Variants in FSTL4 observed in about 807,000 individuals in gnomAD.
The protein encoded by FSTL4 is follistatin-related protein 4.
FSTL4 carries 28 observed loss-of-function variants against 78.2 expected under a neutral mutation model. The observed-to-expected ratio is 0.36, with a 90% CI of 0.27 to 0.49. The LOEUF is 0.49. FSTL4 is among the 20% of genes least tolerant of loss of function. The pLI, the probability that FSTL4 is intolerant of heterozygous loss-of-function variation, is 0.98. For missense variants in FSTL4, 922 were observed against 1,084.9 expected (o/e 0.85, Z 2.11); for synonymous variants, 422 against 440.5 (o/e 0.96, Z 0.53).
rs187951750 is a variant in FSTL4, at chr5:133,463,536, G to A, written c.161-62550C>T. Among the ~76,000 whole-genome samples, 417 of 152,280 alleles carry A rather than the reference G, an allele frequency of 2.7e-3. 1 individual carries two copies. Among genetic ancestry groups the A allele is most frequent in the African/African-American group, 9.7e-3 (405 of 41,544 alleles). On this transcript the variant is annotated intron_variant, in intron 3 of 15. Coordinates refer to ENST00000265342, the MANE Select transcript of FSTL4 (RefSeq NM_015082.2). ...TTTTCCCCTTGTACCTGTGCTTTGT[G>A]TTTCTTCTCTGGGGTGCAAACCCAG...
intron 6 of FSTL4, among the ~76,000 whole-genome samples, chr5:133,306,932 G>A (rs952460279): frequency 3.9e-5 from 6 of 152,142 alleles, no homozygotes; most frequent in African/African-American, 1.4e-4. Flanking sequence ...CCTCACCGCC[G>A]CCATCATTGA....
At chr5:133,348,730 G>A (rs1175638731) in intron 4 of FSTL4, among the ~76,000 whole-genome samples, 1 of 152,152 alleles carries the variant, frequency 6.6e-6, no homozygotes, top group Non-Finnish European at 1.5e-5. Flanking sequence ...CCTTGTGGAG[G>A]GACTGTTGGC....
chr5:133,701,648 T>G, the FSTL4 span, among the ~76,000 whole-genome samples: 1 of 152,154 alleles, frequency 6.6e-6, no homozygotes. Flanking sequence ...ACACACCTTC[T>G]GATTGGTACC....
chr5:133,725,430 A>G, the FSTL4 span, among the ~76,000 whole-genome samples: 1 of 152,326 alleles, frequency 6.6e-6, no homozygotes, highest in East Asian at 1.9e-4. Context: ...CTACACAGAG[A>G]TGTGTTCTCC....
chr5:133,564,753 T>A (rs772399304), intron 3 of FSTL4, among the ~76,000 whole-genome samples: 3 of 152,134 alleles, frequency 2.0e-5, no homozygotes, highest in Non-Finnish European at 4.4e-5. Context: ...CTAGACAGCA[T>A]GACATCTACG....
chr5:133,466,537 G>C (rs1379816626), intron 3 of FSTL4, among the ~76,000 whole-genome samples: 2 of 148,724 alleles, frequency 1.3e-5, no homozygotes, highest in East Asian at 3.9e-4. Context: ...GCGAGACTCT[G>C]TCTCAAAAAA....
chr5:133,403,521 A>C (rs1230687751), intron 3 of FSTL4, among the ~76,000 whole-genome samples: 1 of 152,140 alleles, frequency 6.6e-6, no homozygotes, highest in East Asian at 1.9e-4. Flanking sequence ...GAAATGCAGA[A>C]ATTTTCAGAA....
the FSTL4 span, among the ~76,000 whole-genome samples, chr5:133,694,901 T>C: frequency 6.6e-6 from 1 of 152,152 alleles, no homozygotes; most frequent in Non-Finnish European, 1.5e-5. Context: ...ACTAATCCCA[T>C]CATGAGGGCT....
intron 3 of FSTL4, among the ~76,000 whole-genome samples, chr5:133,482,914 A>G (rs1421777492): frequency 6.6e-6 from 1 of 152,154 alleles, no homozygotes; most frequent in Non-Finnish European, 1.5e-5. Context: ...TGAGCATTGA[A>G]AAGGAACTTG....
chr5:133,708,619 G>A, the FSTL4 span, among the ~76,000 whole-genome samples: 1 of 152,174 alleles, frequency 6.6e-6, no homozygotes, highest in African/African-American at 2.4e-5. Flanking sequence ...ACAGAGGAGG[G>A]GACAGTCACA....
chr5:133,631,811 T>A, the FSTL4 span, among the ~76,000 whole-genome samples: 3 of 152,144 alleles, frequency 2.0e-5, no homozygotes. Context: ...TGGATTACTA[T>A]GCAGCCATAA....
In FSTL4 at chr5:133,312,706, G is replaced by A. The variant is rs147434496; in HGVS notation, c.675C>T (p.Asp225=). ...GCSPGDLLRF[D]DYNSDSSLTL... The stretch of plus-strand genomic sequence containing the variant: ...TCAGGGAGCTGTCACTGTTGTAATC[G>A]TCAAATCGGAGGAGGTCACCTGGTG... Residue 225 remains aspartate, a synonymous_variant, in exon 6 of 16, where the codon GAC becomes GAT. Transcript: ENST00000265342. 538 of 1,613,590 alleles carry A rather than the reference G, an allele frequency of 3.3e-4. 2 individuals carry two copies. The highest frequency in any genetic ancestry group is 4.9e-4 in the Middle Eastern group (3 of 6,080).
intron 3 of FSTL4, among the ~76,000 whole-genome samples, chr5:133,412,385 T>C (rs1289507574): frequency 6.6e-6 from 1 of 152,142 alleles, no homozygotes; most frequent in African/African-American, 2.4e-5. Context: ...ATTAGATGTA[T>C]AATAAGAGTT....
intron 3 of FSTL4, among the ~76,000 whole-genome samples, chr5:133,452,573 A>T (rs147081705): frequency 2.6e-4 from 40 of 152,384 alleles, no homozygotes; most frequent in Non-Finnish European, 5.6e-4. Flanking sequence ...CACATGTATT[A>T]ACTCATTTAA....
At chr5:133,315,287 C>T (rs1282948464) in intron 5 of FSTL4, among the ~76,000 whole-genome samples, 1 of 152,222 alleles carries the variant, frequency 6.6e-6, no homozygotes, top group African/African-American at 2.4e-5. Flanking sequence ...GACATTGTCT[C>T]CCAAGGTCCA....
At chr5:133,685,877 A>G in the FSTL4 span, among the ~76,000 whole-genome samples, 1 of 152,244 alleles carries the variant, frequency 6.6e-6, no homozygotes, top group Non-Finnish European at 1.5e-5. Context: ...CCTGAGGCTT[A>G]TCAGCTCTGA....
chr5:133,521,517 G>A (rs577195077), intron 3 of FSTL4, among the ~76,000 whole-genome samples: 80 of 152,184 alleles, frequency 5.3e-4, no homozygotes, highest in African/African-American at 1.8e-3. Flanking sequence ...CTTCAGCACC[G>A]GGGAGAGTGC....
intron 2 of FSTL4, among the ~76,000 whole-genome samples, chr5:133,594,142 T>C (rs1760692991): frequency 6.6e-6 from 1 of 152,182 alleles, no homozygotes; most frequent in African/African-American, 2.4e-5. Context: ...CACAAAGATA[T>C]GATCCTAAGC....
intron 3 of FSTL4, among the ~76,000 whole-genome samples, chr5:133,442,221 G>C (rs1437316356): frequency 6.6e-6 from 1 of 152,180 alleles, no homozygotes; most frequent in African/African-American, 2.4e-5. Flanking sequence ...CTACATGTCC[G>C]TGCCATGGGA....
Sources: allele counts gnomAD v4.1 joint callset (sites outside exome capture counted in the v4.1 genomes callset), GRCh38; gene constraint gnomAD v4.1.1; transcripts MANE v1.5; gene names NCBI Gene and HGNC (gene_info 2026-07-23, HGNC 2026-07-21).